The following PCGF3 variants were observed in gnomAD, a reference collection of about 807,000 sequenced individuals.
PCGF3 encodes the protein polycomb group RING finger protein 3.
A neutral mutation model predicts 33.1 loss-of-function variants in PCGF3; 7 were observed. The observed-to-expected ratio is 0.21, with a 90% CI of 0.12 to 0.40. PCGF3 has a LOEUF of 0.40. Ranked by LOEUF, PCGF3 falls within the 10% of genes least tolerant of loss-of-function variation. The probability of loss-of-function intolerance (pLI) is 1.00; values close to 1 mark genes in which losing one functional copy is unlikely to be tolerated. For missense variants in PCGF3, 211 were observed against 313.3 expected (o/e 0.67, Z 2.46); for synonymous variants, 153 against 121.3 (o/e 1.26, Z -1.72).
chr4:750,763 G>T lies in PCGF3; in HGVS notation c.462+6075G>T, dbSNP rs117458158. Among the ~76,000 whole-genome samples the T allele has an allele frequency of 5.8e-4, 89 of 152,242 alleles. 2 individuals carry two copies. The East Asian group carries it at 0.014, about 23-fold the overall frequency. Reference sequence around the variant, plus strand: ...TCTGTAACCTCGCGGTGTTGCTTAGGAGCCGTGCTGCTGGCTATGCAGGCT... The same window carrying T: ...TCTGTAACCTCGCGGTGTTGCTTAGTAGCCGTGCTGCTGGCTATGCAGGCT... On this transcript the variant is annotated intron_variant, in intron 8 of 10. Transcript: ENST00000362003.
intron 1 of PCGF3, among the ~76,000 whole-genome samples, chr4:712,878 A>G (rs992894741): frequency 2.6e-5 from 4 of 152,280 alleles, no homozygotes; most frequent in African/African-American, 9.6e-5. Flanking sequence ...TTAATGAGAA[A>G]TAGATGCAAA....
intron 6 of PCGF3, among the ~76,000 whole-genome samples, chr4:738,719 C>T (rs919741077): frequency 5.4e-5 from 8 of 149,458 alleles, no homozygotes; most frequent in African/African-American, 1.2e-4. Flanking sequence ...ATTAGTCGGG[C>T]GTGGTGTCAG....
intron 1 of PCGF3, among the ~76,000 whole-genome samples, chr4:722,800 A>G (rs1377989568): frequency 5.8e-5 from 2 of 34,264 alleles, no homozygotes; most frequent in Non-Finnish European, 5.0e-5. Flanking sequence ...ATCGCCATCC[A>G]CGCCGGGTCC....
At chr4:749,413 C>T (rs1032778647) in intron 8 of PCGF3, among the ~76,000 whole-genome samples, 5 of 151,430 alleles carry the variant, frequency 3.3e-5, no homozygotes, top group African/African-American at 1.2e-4. Flanking sequence ...ATCCACCCAC[C>T]TCAGCCTCCC....
At chr4:759,994 C>T (rs546917160) in intron 8 of PCGF3, among the ~76,000 whole-genome samples, 9 of 152,282 alleles carry the variant, frequency 5.9e-5, no homozygotes, top group Admixed American at 2.0e-4. Context: ...CCCGGATCTT[C>T]TTCCCGCTCA....
At chr4:709,702 C>T (rs1332533315) in intron 1 of PCGF3, among the ~76,000 whole-genome samples, 2 of 152,236 alleles carry the variant, frequency 1.3e-5, no homozygotes, top group African/African-American at 4.8e-5. Context: ...CCAAGAGAGA[C>T]ACTGAATTGG....
chr4:767,869 T>C (rs893565509), exon 11 of PCGF3: 3 of 152,658 alleles, frequency 2.0e-5, no homozygotes, highest in African/African-American at 7.2e-5. Context: ...TACCTCAAAA[T>C]ACACATACTG....
At chr4:753,699 G>C (rs547866230) in intron 8 of PCGF3, among the ~76,000 whole-genome samples, 1 of 151,196 alleles carries the variant, frequency 6.6e-6, no homozygotes, top group Non-Finnish European at 1.5e-5. Context: ...TGTAATCCCA[G>C]TACTTTGGGA....
chr4:754,728 G>A (rs1364422725), intron 8 of PCGF3, among the ~76,000 whole-genome samples: 10 of 152,192 alleles, frequency 6.6e-5, no homozygotes, highest in Admixed American at 5.2e-4. Context: ...GGGGTGTGCT[G>A]TGGGATGCAG....
chr4:765,851 C>G (rs17164977), intron 10 of PCGF3, among the ~76,000 whole-genome samples, 181 bp from the exon 11 acceptor site: 9,944 of 152,194 alleles, frequency 0.065, 1,051 homozygotes, highest in African/African-American at 0.23. Flanking sequence ...CTTCCTAGCC[C>G]GTCTTCCCCC....
intron 8 of PCGF3, among the ~76,000 whole-genome samples, chr4:759,337 G>C (rs201924403): frequency 0.37 from 11 of 30 alleles, no homozygotes; most frequent in Non-Finnish European, 0.33. Context: ...CTCCCGAGTT[G>C]TTCTCCTTCC....
intron 6 of PCGF3, among the ~76,000 whole-genome samples, chr4:740,400 G>A (rs757607243): frequency 4.6e-5 from 7 of 152,170 alleles, no homozygotes; most frequent in Admixed American, 2.0e-4. Context: ...ACCTGTCTTC[G>A]TAGAGGCAAC....
chr4:707,085 C>T (rs917251464), intron 1 of PCGF3, among the ~76,000 whole-genome samples: 1 of 152,118 alleles, frequency 6.6e-6, no homozygotes, highest in African/African-American at 2.4e-5. Flanking sequence ...TGGGATTGCA[C>T]AGGACCCCCA....
intron 7 of PCGF3, among the ~76,000 whole-genome samples, 188 bp from the exon 8 acceptor site, chr4:744,412 G>A (rs914289495): frequency 4.6e-5 from 7 of 152,216 alleles, no homozygotes; most frequent in East Asian, 3.8e-4. Context: ...CCACACGCCC[G>A]TTCTGCATCC....
chr4:737,321 C>A (rs1282019954), intron 5 of PCGF3, 145 bp from the exon 6 acceptor site: 3 of 644,642 alleles, frequency 4.7e-6, no homozygotes, highest in African/African-American at 3.6e-5. Context: ...TTTGGTGACA[C>A]ATTTTTTCAT....
chr4:744,673 C>T, exon 8 of PCGF3: 1 of 1,555,162 alleles, frequency 6.4e-7, no homozygotes, highest in Non-Finnish European at 8.7e-7. Flanking sequence ...ACGACTACCA[C>T]CGCAGCGACG....
chr4:708,508 C>T (rs572251326), intron 1 of PCGF3, among the ~76,000 whole-genome samples: 1 of 152,296 alleles, frequency 6.6e-6, no homozygotes, highest in South Asian at 2.1e-4. Context: ...AGCCCCACAG[C>T]CCCTGCACAT....
chr4:734,697 C>T, intron 4 of PCGF3: 2 of 1,335,580 alleles, frequency 1.5e-6, no homozygotes, highest in Admixed American at 6.8e-5. Flanking sequence ...CCACTTAATT[C>T]CTAACCCTGC....
At chr4:753,061 C>T (rs1004532570) in intron 8 of PCGF3, among the ~76,000 whole-genome samples, 1 of 152,258 alleles carries the variant, frequency 6.6e-6, no homozygotes, top group Non-Finnish European at 1.5e-5. Context: ...CTGGAGGCCC[C>T]TCTGGGTGCT....
Sources: gnomAD v4.1 joint callset for allele counts (sites outside exome capture counted in the v4.1 genomes callset) on GRCh38, gnomAD v4.1.1 for gene constraint, MANE v1.5 for transcripts, NCBI Gene and HGNC (gene_info 2026-07-23, HGNC 2026-07-21) for gene names.